VXN: variants seen among roughly 807,000 people sequenced by gnomAD.
The protein encoded by VXN is vexin.
A neutral mutation model predicts 23.1 loss-of-function variants in VXN; 7 were observed. The observed-to-expected ratio is 0.30, with a 90% CI of 0.17 to 0.57. VXN has a LOEUF of 0.57. Ranked by LOEUF, VXN falls within the 20% of genes least tolerant of loss-of-function variation. The probability of loss-of-function intolerance (pLI) is 0.91; values close to 1 mark genes in which losing one functional copy is unlikely to be tolerated. For synonymous variants in VXN, 120 were observed against 105.8 expected, an observed-to-expected ratio of 1.13 and a Z score of -0.83; for missense variants, 238 against 272.6, an observed-to-expected ratio of 0.87 and a Z score of 0.89.
At chr8:66,503,508 C>T (rs1172780362) in intron 2 of VXN, 2 of 152,166 alleles carry the variant, frequency 1.3e-5, no homozygotes, top group African/African-American at 4.8e-5. Context: ...CTATCTTGAC[C>T]TCTCTATGAC....
intron 3 of VXN, among the ~76,000 whole-genome samples, chr8:66,507,171 G>A (rs1473349315): frequency 1.3e-5 from 2 of 152,160 alleles, no homozygotes; most frequent in Non-Finnish European, 2.9e-5. Flanking sequence ...ATTTAGAGAG[G>A]ATCTAATGTG....
chr8:66,514,465 C>T (rs907186689), intron 5 of VXN, among the ~76,000 whole-genome samples: 11 of 152,164 alleles, frequency 7.2e-5, no homozygotes, highest in Non-Finnish European at 1.2e-4. Flanking sequence ...GAGAGGGGGT[C>T]TCACTCTGTC....
chr8:66,498,761 T>G (rs1586515819), intron 2 of VXN: 1 of 449,006 alleles, frequency 2.2e-6, no homozygotes, highest in Non-Finnish European at 4.5e-6. Flanking sequence ...ATCACACTGC[T>G]CAGAATAGTG....
At position 66,505,445 on chromosome 8, in the gene VXN, A is replaced by G; in HGVS notation, c.197A>G (p.Asp66Gly). 6.4e-7 allele frequency: 1 copy of G among 1,574,526 alleles called. No individual in the cohort carries two copies. Among genetic ancestry groups the G allele is most frequent in the Non-Finnish European group, 8.6e-7 (1 of 1,160,724 alleles). Residue 66 changes from aspartate (D) to glycine (G), a missense_variant, in exon 3 of 6, where the codon GAC becomes GGC. Transcript: ENST00000305454. ...CTGCCCCACCGCGGAGACCGCAGGG[A>G]CCCTGGCGACCGCCGCAGGTTTGGG... ...ELLPHRGDRR[D>G]PGDRRRFGRL... is the part of the protein sequence containing the mutation.
chr8:66,513,344 A>G (rs28557066), intron 4 of VXN, among the ~76,000 whole-genome samples, 196 bp from the exon 5 acceptor site: 10,195 of 152,222 alleles, frequency 0.067, 764 homozygotes, highest in African/African-American at 0.18. Flanking sequence ...CAGCAGACCC[A>G]CGGACTCAGA....
At position 66,496,074 on chromosome 8, in the gene VXN, G is replaced by A. The variant is rs562491341; in HGVS notation, c.71-363G>A. Among the ~76,000 whole-genome samples, 150 of 152,192 alleles carry A rather than the reference G, an allele frequency of 9.9e-4. 1 individual carries two copies. Among genetic ancestry groups the A allele is most frequent in the South Asian group, 4.2e-3 (20 of 4,818 alleles). ...GTAGACTATGTGACATTTTGTGTCC[G>A]GCTTATTTCACTTAGTACCATGTTT... On this transcript the variant is annotated intron_variant, in intron 1 of 5. Transcript: ENST00000305454.
At chr8:66,513,883 G>A in intron 5 of VXN, 1 of 453,836 alleles carries the variant, frequency 2.2e-6, no homozygotes, top group East Asian at 4.1e-5. Flanking sequence ...CCACTCTTTA[G>A]GCTTGGAGAA....
intron 4 of VXN, among the ~76,000 whole-genome samples, chr8:66,510,833 C>T (rs1807813503): frequency 6.6e-6 from 1 of 152,186 alleles, no homozygotes; most frequent in Admixed American, 6.5e-5. Context: ...CATAGAGTCT[C>T]CACCATCATG....
intron 2 of VXN, among the ~76,000 whole-genome samples, chr8:66,501,015 G>A (rs1807685709): frequency 6.6e-6 from 1 of 151,998 alleles, no homozygotes; most frequent in East Asian, 1.9e-4. Context: ...TGGGACTACA[G>A]GTGCCCGCCA....
At chr8:66,496,176 A>C (rs1167406948) in intron 1 of VXN, among the ~76,000 whole-genome samples, 1 of 152,182 alleles carries the variant, frequency 6.6e-6, no homozygotes, top group East Asian at 1.9e-4. Flanking sequence ...TCACATACAG[A>C]CACCATATTT....
chr8:66,504,344 G>A lies in VXN; in HGVS notation c.127-1031G>A, dbSNP rs571862517. Among the ~76,000 whole-genome samples the A allele has an allele frequency of 3.9e-5, 6 of 152,178 alleles. No individual in the cohort carries two copies. In the South Asian group the frequency reaches 1.0e-3, roughly 26 times the overall value. On this transcript the variant is annotated intron_variant, in intron 2 of 5. Coordinates refer to ENST00000305454, the MANE Select transcript of VXN (RefSeq NM_152765.4). ...GCCCTCACTCCTCCTTTCCGAGAGC[G>A]ATGCTGAGAGAATGAAAATAAAATC...
chr8:66,505,426 C>G lies in VXN; in HGVS notation c.178C>G (p.His60Asp). The G allele has an allele frequency of 6.3e-7, 1 of 1,579,878 alleles. No individual in the cohort carries two copies. The highest frequency in any genetic ancestry group is 8.6e-7 in the Non-Finnish European group (1 of 1,163,588). The change falls in exon 3 of 6, where the codon CAC becomes GAC. Residue 60 changes from histidine to aspartate, a missense_variant. His to Asp is a moderately conservative substitution (Grantham distance 81, BLOSUM62 -1). Coordinates refer to ENST00000305454, the MANE Select transcript of VXN (RefSeq NM_152765.4). Reference protein sequence around the residue: ...YTHQPLELLPHRGDRRDPGDR... With the variant: ...YTHQPLELLPDRGDRRDPGDR... Reference sequence around the variant, plus strand: ...GCACCAGCCCCTGGAGCTGCTGCCCCACCGCGGAGACCGCAGGGACCCTGG... The same window carrying G: ...GCACCAGCCCCTGGAGCTGCTGCCCGACCGCGGAGACCGCAGGGACCCTGG...
Position 66,517,818 on chromosome 8 carries a change from C to T in VXN, c.*1742C>T, listed in dbSNP as rs764154423. On this transcript the variant is annotated 3_prime_UTR_variant, in exon 6 of 6. Coordinates refer to ENST00000305454, the MANE Select transcript of VXN (RefSeq NM_152765.4). ...GTTGATACAAAGAAGTGTTTGGCCACATTACAGGTCTCAGACTCAACTGCT... is the reference window on the plus strand; with the variant it reads ...GTTGATACAAAGAAGTGTTTGGCCATATTACAGGTCTCAGACTCAACTGCT... The T allele has an allele frequency of 2.6e-5, 4 of 152,234 alleles. No individual in the cohort carries two copies. The highest frequency in any genetic ancestry group is 9.7e-5 in the African/African-American group (4 of 41,450). The allele number at this position is 152,234 out of a possible 1,614,324, so 9.4% of individuals were successfully genotyped here. A position where few individuals can be genotyped will look rare whatever the true frequency, so the allele number is the denominator to read the frequency against.
chr8:66,496,366 G>A (rs186444216), intron 1 of VXN, 71 bp from the exon 2 acceptor site: 2 of 1,419,710 alleles, frequency 1.4e-6, no homozygotes, highest in African/African-American at 1.4e-5. Context: ...AACCTTCTCA[G>A]TGTTGTTACT....
In VXN at chr8:66,505,632, C is replaced by A. The variant is rs527914294; in HGVS notation, c.280+104C>A. ...GGGCAGCGTTGGCGGTGGCTGCGGC[C>A]TCAGTCGCGCCAGGTGACCAAGCAC... On this transcript the variant is annotated intron_variant, in intron 3 of 5. Transcript: ENST00000305454. The A allele has an allele frequency of 3.5e-5, 46 of 1,329,550 alleles. No homozygotes were observed. In the East Asian group the frequency reaches 1.0e-3, roughly 29 times the overall value. The allele number at this position is 1,329,550 out of a possible 1,614,324, so 82.4% of individuals were successfully genotyped here. A position where few individuals can be genotyped will look rare whatever the true frequency, so the allele number is the denominator to read the frequency against.
At chr8:66,497,667 A>G (rs1165993534) in intron 2 of VXN, among the ~76,000 whole-genome samples, 1 of 152,166 alleles carries the variant, frequency 6.6e-6, no homozygotes, top group Non-Finnish European at 1.5e-5. Context: ...TTTCTATGAC[A>G]ATTTTTCATA....
At chr8:66,513,844 G>A (rs772747588) in intron 5 of VXN, 11 of 510,534 alleles carry the variant, frequency 2.2e-5, no homozygotes, top group Non-Finnish European at 3.4e-5. Flanking sequence ...TAAGCAGGAG[G>A]GTTTTTCATG....
At position 66,510,173 on chromosome 8, in the gene VXN, CT is replaced by C; in HGVS notation, c.342+17del. 6.2e-7 allele frequency: 1 copy of C among 1,600,764 alleles called. No individual in the cohort carries two copies. Among genetic ancestry groups the C allele is most frequent in the Non-Finnish European group, 8.5e-7 (1 of 1,170,998 alleles). ...AAAATCTCTGGTAAGTAAAATAAGC[CT>C]GCTTAGTTGTATCTGTTGTGCATTA... On this transcript the variant is annotated intron_variant, in intron 4 of 5. Coordinates refer to ENST00000305454, the MANE Select transcript of VXN (RefSeq NM_152765.4).
At chr8:66,504,369 C>G (rs1807723656) in intron 2 of VXN, among the ~76,000 whole-genome samples, 1 of 151,988 alleles carries the variant, frequency 6.6e-6, no homozygotes, top group Non-Finnish European at 1.5e-5. Flanking sequence ...AAAATAAAAT[C>G]AGGAACAGCT....
Sources: allele counts gnomAD v4.1 joint callset (sites outside exome capture counted in the v4.1 genomes callset), GRCh38; gene constraint gnomAD v4.1.1; transcripts MANE v1.5; gene names NCBI Gene and HGNC (gene_info 2026-07-23, HGNC 2026-07-21).